The following ARHGEF37 variants were observed in gnomAD, a reference collection of about 807,000 sequenced individuals.
The protein encoded by ARHGEF37 is Rho guanine nucleotide exchange factor 37.
Under a neutral mutation model 71.1 loss-of-function variants are expected in ARHGEF37, and 55 were observed. That is an observed-to-expected ratio of 0.77 (90% CI 0.62 to 0.97). The LOEUF (loss-of-function observed/expected upper bound fraction) is 0.97. Ranked by LOEUF, ARHGEF37 falls within the 50% of genes least tolerant of loss-of-function variation. ARHGEF37 has a pLI of 0.00. For synonymous variants in ARHGEF37, 327 were observed against 350.6 expected (o/e 0.93, Z 0.75); for missense variants, 765 against 836.8 (o/e 0.91, Z 1.06).
intron 1 of ARHGEF37, among the ~76,000 whole-genome samples, chr5:149,559,945 G>A (rs984832307): frequency 6.6e-6 from 1 of 152,214 alleles, no homozygotes; most frequent in Non-Finnish European, 1.5e-5. Context: ...CACATTTGTT[G>A]CCCATTAGTG....
At position 149,624,081 on chromosome 5, in the gene ARHGEF37, A is replaced by G; in HGVS notation, c.1405A>G (p.Asn469Asp). 1 of 1,612,274 alleles carries G rather than the reference A, an allele frequency of 6.2e-7. No individual in the cohort carries two copies. The highest frequency in any genetic ancestry group is 8.5e-7 in the Non-Finnish European group (1 of 1,178,466). ...GGAGGACGCACTGGGCCGGACGAGT[A>G]ACCAGCTTCGCTCCTTTCAAGAGAC... ...LVEDALGRTS[N>D]QLRSFQETFE... Residue 469 changes from asparagine (N) to aspartate (D), a missense_variant, in exon 10 of 13, where the codon AAC (asparagine) becomes GAC (aspartate). Around this residue, in one of 5 missense-constraint regions of ARHGEF37, gnomAD observed 390 missense variants for 407.4 expected, o/e 0.96. Coordinates refer to ENST00000333677, the MANE Select transcript of ARHGEF37 (RefSeq NM_001001669.3).
Position 149,634,339 on chromosome 5 carries a change from G to A in ARHGEF37, c.*2148G>A, listed in dbSNP as rs913545348. 7 of 152,166 alleles carry A rather than the reference G, an allele frequency of 4.6e-5. No individual in the cohort carries two copies. The highest frequency in any genetic ancestry group is 2.1e-4 in the South Asian group (1 of 4,836). The allele number at this position is 152,166 out of a possible 1,614,324, so 9.4% of individuals were successfully genotyped here. On this transcript the variant is annotated 3_prime_UTR_variant, in exon 13 of 13. Transcript: ENST00000333677. ...TCTGCACTAGCTAGTTCAAACAGGC[G>A]CTTTAAAGGCAGTGTGAAAGGGGAC...
chr5:149,604,601 G>A (rs902765233), intron 3 of ARHGEF37, among the ~76,000 whole-genome samples: 5 of 151,126 alleles, frequency 3.3e-5, no homozygotes, highest in African/African-American at 1.2e-4. Context: ...CTTGCCTGCT[G>A]TCTCTCTATT....
intron 2 of ARHGEF37, among the ~76,000 whole-genome samples, chr5:149,600,598 G>A (rs2113316095): frequency 6.6e-6 from 1 of 152,046 alleles, no homozygotes; most frequent in East Asian, 1.9e-4. Flanking sequence ...TCCCCACTGA[G>A]TACTCCGTCT....
intron 1 of ARHGEF37, among the ~76,000 whole-genome samples, chr5:149,564,461 A>G (rs1762874525): frequency 2.0e-5 from 3 of 152,148 alleles, no homozygotes; most frequent in Admixed American, 6.5e-5. Context: ...CCGTTTATGC[A>G]TCTCAGGACT....
At chr5:149,598,263 C>CTCCTCCTCTTCT (rs71587782) in intron 2 of ARHGEF37, among the ~76,000 whole-genome samples, 1 of 67,692 alleles carries the variant, frequency 1.5e-5, no homozygotes, top group Non-Finnish European at 2.9e-5. Context: ...CTTAAACTGA[C>CTCCTCCTCTTCT]TCTTCTTCTT....
intron 1 of ARHGEF37, among the ~76,000 whole-genome samples, chr5:149,565,816 G>A (rs1401150272): frequency 8.3e-6 from 1 of 121,186 alleles, no homozygotes; most frequent in East Asian, 2.8e-4. Flanking sequence ...GCTTTGTAAT[G>A]TCAGAAACTC....
At chr5:149,574,803 AC>A (rs1250330102) in intron 1 of ARHGEF37, among the ~76,000 whole-genome samples, 1 of 152,156 alleles carries the variant, frequency 6.6e-6, no homozygotes, top group African/African-American at 2.4e-5. Context: ...CCCATAGGTC[AC>A]CAAATTCTAC....
chr5:149,602,534 C>A (rs567929067), intron 3 of ARHGEF37, among the ~76,000 whole-genome samples: 59 of 151,518 alleles, frequency 3.9e-4, no homozygotes, highest in African/African-American at 1.2e-3. Flanking sequence ...GTTGCCCAGT[C>A]TAGAGTGCAA....
At chr5:149,562,701 C>T (rs1242889232) in intron 1 of ARHGEF37, among the ~76,000 whole-genome samples, 2 of 152,214 alleles carry the variant, frequency 1.3e-5, no homozygotes, top group Non-Finnish European at 2.9e-5. Context: ...CCGCCTCGGC[C>T]TCCCAAAGCG....
intron 1 of ARHGEF37, among the ~76,000 whole-genome samples, chr5:149,595,649 T>C (rs1763524353): frequency 6.6e-6 from 1 of 152,198 alleles, no homozygotes; most frequent in African/African-American, 2.4e-5. Context: ...AGGGGCATTC[T>C]TATATTTTTT....
At position 149,598,263 on chromosome 5, in the gene ARHGEF37, C is replaced by CTCCT. The variant is rs71587782; in HGVS notation, c.186+310_186+311insCTTC. On this transcript the variant is annotated intron_variant, in intron 2 of 12. Coordinates refer to ENST00000333677, the MANE Select transcript of ARHGEF37 (RefSeq NM_001001669.3). ...GTTTGGAACAGATTGCTTAAACTGA[C>CTCCT]TCTTCTTCTTCTTCTTCTTCTTCTT... Among the ~76,000 whole-genome samples, 110 of 67,772 alleles carry CTCCT rather than the reference C, an allele frequency of 1.6e-3. 1 individual carries two copies. The highest frequency in any genetic ancestry group is 1.9e-3 in the Non-Finnish European group (66 of 34,506). The allele number at this position is 67,772 out of a possible 152,430, so 44.5% of individuals were successfully genotyped here.
At chr5:149,580,476 G>T (rs79065170), upstream of ARHGEF37, among the ~76,000 whole-genome samples, 3,532 of 152,062 alleles carry the variant, frequency 0.023, 122 homozygotes, top group African/African-American at 0.082. Flanking sequence ...AGTGTAGAGT[G>T]GTGGTTAAGC....
chr5:149,578,719 G>A (rs1040456581), upstream of ARHGEF37, among the ~76,000 whole-genome samples: 3 of 151,912 alleles, frequency 2.0e-5, no homozygotes, highest in Non-Finnish European at 2.9e-5. Context: ...TTTTTCTTTG[G>A]ATTAGTGTCA....
intron 4 of ARHGEF37, among the ~76,000 whole-genome samples, chr5:149,612,411 C>T (rs893606866): frequency 6.6e-6 from 1 of 152,340 alleles, no homozygotes; most frequent in Non-Finnish European, 1.5e-5. Flanking sequence ...TCGTGATCCG[C>T]CCACCTCGGC....
chr5:149,613,195 T>C (rs1231202724), intron 4 of ARHGEF37, among the ~76,000 whole-genome samples: 1 of 152,240 alleles, frequency 6.6e-6, no homozygotes, highest in African/African-American at 2.4e-5. Context: ...CATATGCTTA[T>C]TGAACAAAAG....
At chr5:149,617,168 T>A (rs1752405458) in intron 5 of ARHGEF37, among the ~76,000 whole-genome samples, 1 of 152,242 alleles carries the variant, frequency 6.6e-6, no homozygotes, top group Non-Finnish European at 1.5e-5. Flanking sequence ...AGTTAGGGCA[T>A]CATGAACTGA....
intron 12 of ARHGEF37, among the ~76,000 whole-genome samples, chr5:149,631,515 C>G (rs1471209828): frequency 6.6e-6 from 1 of 152,150 alleles, no homozygotes; most frequent in African/African-American, 2.4e-5. Context: ...TGCCCAAATC[C>G]TTGTCTCTAC....
At chr5:149,629,676 C>T (rs978033279) in intron 12 of ARHGEF37, among the ~76,000 whole-genome samples, 1 of 152,162 alleles carries the variant, frequency 6.6e-6, no homozygotes, top group Non-Finnish European at 1.5e-5. Flanking sequence ...GCCAGCAGGG[C>T]CTTGTGGCCT....
Sources: gnomAD v4.1 joint callset for allele counts (sites outside exome capture counted in the v4.1 genomes callset) on GRCh38, gnomAD v4.1.1 for gene constraint, gnomAD v4.1.1 regional missense constraint, MANE v1.5 for transcripts, NCBI Gene and HGNC (gene_info 2026-07-23, HGNC 2026-07-21) for gene names.